MICAL2: variants seen among roughly 807,000 people sequenced by gnomAD.
MICAL2 encodes [F-actin]-monooxygenase MICAL2.
In MICAL2, 77 loss-of-function variants were observed where a neutral mutation model predicts 127.3. The observed-to-expected ratio is 0.60, with a 90% confidence interval of 0.50 to 0.73. MICAL2 has a LOEUF of 0.73. Ranked by LOEUF, MICAL2 falls within the 30% of genes least tolerant of loss-of-function variation. The probability of loss-of-function intolerance (pLI) is 0.00; values close to 1 mark genes in which losing one functional copy is unlikely to be tolerated. For missense variants in MICAL2, 1,351 were observed against 1,434.4 expected (o/e 0.94, Z 0.94); for synonymous variants, 570 against 551.1 (o/e 1.03, Z -0.48).
chr11:12,240,923 T>C, intron 17 of MICAL2, 117 bp from the exon 18 acceptor site: 1 of 1,369,532 alleles, frequency 7.3e-7, no homozygotes, highest in Non-Finnish European at 1.0e-6. Flanking sequence ...TCCTCTGCAC[T>C]TGCAACCTTC....
At chr11:12,309,082 T>C (rs1327607986) in intron 29 of MICAL2, among the ~76,000 whole-genome samples, 2 of 152,218 alleles carry the variant, frequency 1.3e-5, no homozygotes, top group Non-Finnish European at 2.9e-5. Flanking sequence ...TATTTGTGTT[T>C]TGGATACATG....
At position 12,261,201 on chromosome 11, in the gene MICAL2, G is replaced by A. The variant is rs1863067825; in HGVS notation, c.3335-1279G>A. 6 of 985,548 alleles carry A rather than the reference G, an allele frequency of 6.1e-6. No homozygotes were observed. The South Asian group carries it at 2.3e-4, about 39-fold the overall frequency. The allele number at this position is 985,548 out of a possible 1,614,324, so 61.1% of individuals were successfully genotyped here. On this transcript the variant is annotated intron_variant, in intron 26 of 27. Transcript: ENST00000683283. ...GTGGCCTGCCCAGTGAGCATTGCCT[G>A]TGGACATCCTGACTGCTTAGCTGCT...
intron 2 of MICAL2, among the ~76,000 whole-genome samples, chr11:12,156,840 CGA>C (rs1854240698): frequency 6.6e-6 from 1 of 152,192 alleles, no homozygotes; most frequent in African/African-American, 2.4e-5. Context: ...CTTCTGTGTG[CGA>C]GAGTTAGAGC....
At position 12,239,543 on chromosome 11, in the gene MICAL2, C is replaced by T. The variant is rs780138220; in HGVS notation, c.2172C>T (p.Ala724=). 14 of 1,614,174 alleles carry T rather than the reference C, an allele frequency of 8.7e-6. No individual in the cohort carries two copies. The highest frequency in any genetic ancestry group is 1.2e-5 in the Non-Finnish European group (14 of 1,180,042). The change falls in exon 17 of 28, where the codon GCC becomes GCT. Residue 724 remains alanine (A), a synonymous_variant. Coordinates refer to ENST00000683283, the MANE Select transcript of MICAL2 (RefSeq NM_001282663.2). ...AGTCCATGGCGAATCAGCTGCTGGC[C>T]AAGTTTGAGGAGAGCACTCGGAACC... is the stretch of plus-strand genomic sequence containing the variant. ...KVKSMANQLL[A]KFEESTRNPS...
At chr11:12,335,537 G>A (rs535598908) in intron 32 of MICAL2, among the ~76,000 whole-genome samples, 24 of 152,210 alleles carry the variant, frequency 1.6e-4, no homozygotes, top group African/African-American at 5.3e-4. Flanking sequence ...CCATGCCTAT[G>A]TCCTGAATAG....
At chr11:12,162,521 G>C (rs1854943370) in intron 3 of MICAL2, 102 bp downstream of exon 3, 4 of 1,387,552 alleles carry the variant, frequency 2.9e-6, no homozygotes, top group Admixed American at 4.4e-5. Flanking sequence ...GTTCTTAGGT[G>C]TGGGTGTGAA....
rs1211863190 is a variant in MICAL2, at chr11:12,242,289, A to G, written c.2413A>G (p.Arg805Gly). The G allele has an allele frequency of 6.2e-6, 10 of 1,614,032 alleles. No homozygotes were observed. The highest frequency in any genetic ancestry group is 2.2e-5 in the East Asian group (1 of 44,892). The stretch of plus-strand genomic sequence containing the variant: ...GTCTGCTGGCAGTGAGTGCCTGAGC[A>G]GACCTTGGAGAGCCAGAGCCAAGTC... ...QVSAGSECLS[R>G]PWRARAKSDL... Residue 805 changes from arginine (R) to glycine (G), a missense_variant, in exon 19 of 28, where the codon AGA (arginine) becomes GGA (glycine). Transcript: ENST00000683283.
At chr11:12,117,586 C>G (rs375103447) in intron 1 of MICAL2, among the ~76,000 whole-genome samples, 1 of 152,204 alleles carries the variant, frequency 6.6e-6, no homozygotes, top group Non-Finnish European at 1.5e-5. Flanking sequence ...AGAAGCAGCT[C>G]TCACTAACAA....
intron 32 of MICAL2, among the ~76,000 whole-genome samples, chr11:12,344,320 CAAAAG>C (rs1375424457): frequency 6.6e-6 from 1 of 151,588 alleles, no homozygotes; most frequent in Non-Finnish European, 1.5e-5. Flanking sequence ...AAACAAAAAA[CAAAAG>C]AAAAGAAATA....
At chr11:12,126,630 T>C (rs956943809) in intron 1 of MICAL2, among the ~76,000 whole-genome samples, 5 of 150,742 alleles carry the variant, frequency 3.3e-5, no homozygotes, top group African/African-American at 1.2e-4. Flanking sequence ...GCTGTGGGGA[T>C]GACAAGATGC....
chr11:12,151,180 G>C (rs978979556), intron 2 of MICAL2, among the ~76,000 whole-genome samples: 6 of 152,110 alleles, frequency 3.9e-5, no homozygotes, highest in Non-Finnish European at 5.9e-5. Context: ...CCTGTCTTAT[G>C]CTATTTGCAA....
At chr11:12,330,466 C>T (rs1168009266) in intron 32 of MICAL2, among the ~76,000 whole-genome samples, 5 of 152,088 alleles carry the variant, frequency 3.3e-5, no homozygotes, top group Non-Finnish European at 7.4e-5. Flanking sequence ...GACAGTTATG[C>T]AAGGCTCCTC....
intron 13 of MICAL2, among the ~76,000 whole-genome samples, chr11:12,225,428 C>T (rs1395031301): frequency 3.3e-5 from 5 of 152,058 alleles, no homozygotes; most frequent in Non-Finnish European, 7.4e-5. Flanking sequence ...TGACAGCAAA[C>T]CTACCCAAGG....
chr11:12,185,402 C>G (rs1356597584), intron 3 of MICAL2, among the ~76,000 whole-genome samples: 2 of 152,116 alleles, frequency 1.3e-5, no homozygotes, highest in Non-Finnish European at 1.5e-5. Context: ...TTCCATCATG[C>G]CTTCCCACAA....
intron 3 of MICAL2, among the ~76,000 whole-genome samples, chr11:12,194,121 G>A (rs1281501532): frequency 6.6e-6 from 1 of 152,234 alleles, no homozygotes; most frequent in Non-Finnish European, 1.5e-5. Flanking sequence ...GTTTGTCATT[G>A]GGTAGATTGA....
At chr11:12,327,708 A>T (rs1176035152) in intron 32 of MICAL2, among the ~76,000 whole-genome samples, 2 of 150,908 alleles carry the variant, frequency 1.3e-5, no homozygotes, top group African/African-American at 2.4e-5. Context: ...GGCCAGTCAC[A>T]TTATAAACCT....
At chr11:12,209,073 T>A (rs1002980531) in intron 5 of MICAL2, among the ~76,000 whole-genome samples, 1 of 152,190 alleles carries the variant, frequency 6.6e-6, no homozygotes, top group Non-Finnish European at 1.5e-5. Context: ...ATTTTGAGCA[T>A]ACAATAGAAA....
intron 1 of MICAL2, among the ~76,000 whole-genome samples, 195 bp from the exon 2 acceptor site, chr11:12,138,195 T>G (rs1279821820): frequency 6.6e-6 from 1 of 151,446 alleles, no homozygotes; most frequent in Non-Finnish European, 1.5e-5. Context: ...TGTTTAGCCA[T>G]CTTGCTATTC....
intron 3 of MICAL2, among the ~76,000 whole-genome samples, chr11:12,202,280 T>C (rs1793255846): frequency 6.6e-6 from 1 of 152,220 alleles, no homozygotes; most frequent in South Asian, 2.1e-4. Context: ...AATGTTCTTT[T>C]TTCTTTTTTA....
Sources: gnomAD v4.1 joint callset for allele counts (sites outside exome capture counted in the v4.1 genomes callset) on GRCh38, gnomAD v4.1.1 for gene constraint, MANE v1.5 for transcripts, NCBI Gene and HGNC (gene_info 2026-07-23, HGNC 2026-07-21) for gene names.